Variants in TASP1 observed in about 807,000 individuals in gnomAD.
The protein encoded by TASP1 is taspase 1, also known as threonine aspartase 1.
Under a neutral mutation model 56.6 loss-of-function variants are expected in TASP1, and 16 were observed. The ratio of observed to expected loss-of-function variants is 0.28; its 90% CI spans 0.19 to 0.43. TASP1 has a LOEUF of 0.43. Among genes scored for constraint, TASP1 ranks in the 20% least tolerant of loss-of-function variants. TASP1 has a pLI of 1.00. For missense variants in TASP1, 393 were observed against 511.6 expected (o/e 0.77, Z 2.24); for synonymous variants, 179 against 184.2 (o/e 0.97, Z 0.23).
chr20:13,255,768 T>C, the TASP1 span, among the ~76,000 whole-genome samples: 1 of 152,180 alleles, frequency 6.6e-6, no homozygotes. Flanking sequence ...CTTTGCACCA[T>C]GCACAAATTG....
Position 13,416,870 on chromosome 20 carries a change from A to G in TASP1, c.1170+578T>C, listed in dbSNP as rs149092789. ...ATAGTATGTGGATGCCTATGTGATT[A>G]TTGCAACTCACTGAGCGACGAGTGC... On this transcript the variant is annotated intron_variant, in intron 13 of 13. Transcript: ENST00000337743. Among the ~76,000 whole-genome samples, 135 of 152,336 alleles carry G rather than the reference A, an allele frequency of 8.9e-4. 1 individual carries two copies. The East Asian group carries it at 0.023, about 26-fold the overall frequency.
chr20:13,158,274 A>T, the TASP1 span, among the ~76,000 whole-genome samples: 1 of 152,242 alleles, frequency 6.6e-6, no homozygotes, highest in Non-Finnish European at 1.5e-5. Context: ...ACAGAGGCTC[A>T]TTATATAAAA....
the TASP1 span, among the ~76,000 whole-genome samples, chr20:13,221,467 T>G: frequency 7.0e-6 from 1 of 142,020 alleles, no homozygotes; most frequent in Admixed American, 6.9e-5. Flanking sequence ...AGTCTCCGTC[T>G]CCGCCGCCGC....
At chr20:13,182,690 C>T in the TASP1 span, among the ~76,000 whole-genome samples, 1 of 152,150 alleles carries the variant, frequency 6.6e-6, no homozygotes, top group South Asian at 2.1e-4. Context: ...AGGCAAAGAC[C>T]TTATTCTCTT....
At chr20:13,628,035 A>G (rs1345253654) in intron 2 of TASP1, among the ~76,000 whole-genome samples, 1 of 152,214 alleles carries the variant, frequency 6.6e-6, no homozygotes, top group Non-Finnish European at 1.5e-5. Flanking sequence ...ACCTACATAA[A>G]TGAAAACTTA....
the TASP1 span, among the ~76,000 whole-genome samples, chr20:13,373,116 G>T: frequency 6.6e-6 from 1 of 151,546 alleles, no homozygotes. Context: ...CTCTTTATTT[G>T]TTCCCATGTG....
chr20:13,393,814 AG>A, intron 13 of TASP1: 1 of 553,850 alleles, frequency 1.8e-6, no homozygotes, highest in East Asian at 3.1e-5. Flanking sequence ...CACCCTGAAG[AG>A]GGAGGGGCCT....
intron 3 of TASP1, among the ~76,000 whole-genome samples, chr20:13,624,732 C>T (rs2147541212): frequency 6.6e-6 from 1 of 152,130 alleles, no homozygotes; most frequent in African/African-American, 2.4e-5. Flanking sequence ...AGTACAAGGG[C>T]AAAACTGAAC....
chr20:13,512,633 T>C (rs988045034), intron 10 of TASP1, among the ~76,000 whole-genome samples: 1 of 152,240 alleles, frequency 6.6e-6, no homozygotes, highest in African/African-American at 2.4e-5. Flanking sequence ...ATTTTGGCTT[T>C]TGTTGCCATT....
At chr20:13,307,917 C>T in the TASP1 span, among the ~76,000 whole-genome samples, 2 of 152,264 alleles carry the variant, frequency 1.3e-5, no homozygotes, top group Admixed American at 6.5e-5. Flanking sequence ...TTTGGGTGTG[C>T]GTATTCACAC....
At chr20:13,270,651 C>G in the TASP1 span, 1 of 1,613,974 alleles carries the variant, frequency 6.2e-7, no homozygotes, top group Non-Finnish European at 8.5e-7. Flanking sequence ...CCCTTCATTG[C>G]AAAGAGATTT....
the TASP1 span, among the ~76,000 whole-genome samples, chr20:13,184,383 G>T: frequency 6.6e-6 from 1 of 152,106 alleles, no homozygotes; most frequent in Non-Finnish European, 1.5e-5. Flanking sequence ...TTTTAATATT[G>T]CTTATCAGTA....
the TASP1 span, among the ~76,000 whole-genome samples, chr20:13,161,148 C>T: frequency 6.6e-6 from 1 of 152,136 alleles, no homozygotes; most frequent in Non-Finnish European, 1.5e-5. Context: ...CATGACTTGA[C>T]AAATGATTGG....
chr20:13,482,393 C>G (rs1164115141), intron 11 of TASP1, among the ~76,000 whole-genome samples: 1 of 152,104 alleles, frequency 6.6e-6, no homozygotes, highest in Non-Finnish European at 1.5e-5. Context: ...TATTCTGGGT[C>G]TTTTGCGAGT....
the TASP1 span, among the ~76,000 whole-genome samples, chr20:13,309,630 C>G: frequency 6.6e-6 from 1 of 152,100 alleles, no homozygotes; most frequent in African/African-American, 2.4e-5. Flanking sequence ...TAAAAGGCAT[C>G]TAAATCAGAA....
chr20:13,445,788 G>A (rs2043389627), intron 11 of TASP1, among the ~76,000 whole-genome samples: 1 of 152,146 alleles, frequency 6.6e-6, no homozygotes, highest in East Asian at 1.9e-4. Flanking sequence ...GTAGAAGAGG[G>A]CAAAATAAAG....
chr20:13,221,842 C>G, the TASP1 span: 1 of 1,443,654 alleles, frequency 6.9e-7, no homozygotes, highest in South Asian at 1.4e-5. Context: ...TGCACATCAC[C>G]GTGCTGCGCG....
the TASP1 span, among the ~76,000 whole-genome samples, chr20:13,314,132 T>TGTTTCA: frequency 6.6e-6 from 1 of 151,978 alleles, no homozygotes; most frequent in Non-Finnish European, 1.5e-5. Context: ...CAGTCAAGAC[T>TGTTTCA]TAGAGACAAC....
the TASP1 span, among the ~76,000 whole-genome samples, chr20:13,315,014 TA>T: frequency 9.9e-5 from 15 of 151,542 alleles, 1 homozygote; most frequent in East Asian, 2.7e-3. Flanking sequence ...GAGCAACTGC[TA>T]AAAAAAAGTT....
Sources: allele counts gnomAD v4.1 joint callset (sites outside exome capture counted in the v4.1 genomes callset), GRCh38; gene constraint gnomAD v4.1.1; transcripts MANE v1.5; gene names NCBI Gene and HGNC (gene_info 2026-07-23, HGNC 2026-07-21).